SLC2A9: variants seen among roughly 807,000 people sequenced by gnomAD.
SLC2A9 encodes the protein solute carrier family 2 member 9.
A neutral mutation model predicts 50.6 loss-of-function variants in SLC2A9; 39 were observed. The ratio of observed to expected loss-of-function variants is 0.77; its 90% CI spans 0.60 to 1.01. SLC2A9 has a LOEUF of 1.01. SLC2A9 is among the 50% of genes least tolerant of loss of function. SLC2A9 has a pLI of 0.00. For synonymous variants in SLC2A9, 324 were observed against 276.9 expected (o/e 1.17, Z -1.69); for missense variants, 686 against 677.6 (o/e 1.01, Z -0.14).
chr4:9,937,241 C>A (rs1052469224), intron 6 of SLC2A9, among the ~76,000 whole-genome samples: 3 of 152,176 alleles, frequency 2.0e-5, no homozygotes, highest in Non-Finnish European at 4.4e-5. Context: ...TTTCTAGGAA[C>A]GACTTCGTGC....
chr4:9,794,361 G>A (rs1017824283), downstream of SLC2A9, among the ~76,000 whole-genome samples: 20 of 152,230 alleles, frequency 1.3e-4, no homozygotes, highest in East Asian at 7.7e-4. Context: ...TCACCATGTT[G>A]GTCAGGTTGG....
At chr4:9,980,848 G>T (rs1755622409) in intron 4 of SLC2A9, 111 bp from the exon 5 acceptor site, 1 of 1,397,092 alleles carries the variant, frequency 7.2e-7, no homozygotes, top group Non-Finnish European at 1.0e-6. Flanking sequence ...AAATAGCACT[G>T]TAGCCACGGC....
chr4:9,863,881 T>A (rs1732036472), intron 10 of SLC2A9, among the ~76,000 whole-genome samples: 1 of 152,134 alleles, frequency 6.6e-6, no homozygotes, highest in Admixed American at 6.5e-5. Context: ...TTGCTCTTTA[T>A]GTAGAAACAT....
chr4:9,835,385 A>C (rs1401384363), intron 10 of SLC2A9, among the ~76,000 whole-genome samples: 1 of 152,054 alleles, frequency 6.6e-6, no homozygotes, highest in Non-Finnish European at 1.5e-5. Flanking sequence ...ACCAGGACCT[A>C]GGGCTCAGCA....
chr4:10,017,658 AC>A (rs1298496139), intron 2 of SLC2A9, among the ~76,000 whole-genome samples: 1 of 152,224 alleles, frequency 6.6e-6, no homozygotes, highest in African/African-American at 2.4e-5. Flanking sequence ...TGTTTTGTAC[AC>A]AAGGATGCTG....
At chr4:9,905,416 G>A (rs925737857) in intron 8 of SLC2A9, among the ~76,000 whole-genome samples, 12 of 152,206 alleles carry the variant, frequency 7.9e-5, no homozygotes, top group East Asian at 1.9e-4. Flanking sequence ...GCTAAATGGC[G>A]GGGTACCAAC....
At chr4:10,026,815 G>A (rs572739016) in intron 1 of SLC2A9, among the ~76,000 whole-genome samples, 45 of 152,296 alleles carry the variant, frequency 3.0e-4, no homozygotes, top group East Asian at 9.6e-4. Flanking sequence ...AGGCCGAGGC[G>A]GGTGGATCAC....
Position 9,917,221 on chromosome 4 carries a change from C to T in SLC2A9, c.1002+3164G>A, listed in dbSNP as rs16890938. On this transcript the variant is annotated intron_variant, in intron 7 of 11. Transcript: ENST00000264784. The stretch of plus-strand genomic sequence containing the variant: ...ATTTTAGAGAATGGAATTTGAAAGC[C>T]TATTGTGTAAGGCAGAGGGAAAAAA... Among the ~76,000 whole-genome samples the T allele has an allele frequency of 4.7e-3, 716 of 150,804 alleles. 8 individuals carry two copies. The highest frequency in any genetic ancestry group is 0.017 in the African/African-American group (694 of 40,894).
chr4:9,922,869 C>T lies in SLC2A9; in HGVS notation c.815-2297G>A, dbSNP rs147350938. 1,282 of 152,594 alleles carry T rather than the reference C, an allele frequency of 8.4e-3. 11 individuals carry two copies. The highest frequency in any genetic ancestry group is 0.014 in the Non-Finnish European group (969 of 68,286). The allele number at this position is 152,594 out of a possible 1,614,324, so 9.5% of individuals were successfully genotyped here. A position where few individuals can be genotyped will look rare whatever the true frequency, so the allele number is the denominator to read the frequency against. On this transcript the variant is annotated intron_variant, in intron 6 of 11. Coordinates refer to ENST00000264784, the MANE Select transcript of SLC2A9 (RefSeq NM_020041.3). ...CAAGGAGTTACCTGCCGGCGCCTCC[C>T]ACACCCTTCAGCCCCTGCCTCTTCA... is the stretch of plus-strand genomic sequence containing the variant.
At chr4:9,993,022 G>A (rs892253808) in intron 3 of SLC2A9, among the ~76,000 whole-genome samples, 1 of 152,164 alleles carries the variant, frequency 6.6e-6, no homozygotes, top group Non-Finnish European at 1.5e-5. Flanking sequence ...ATTACTCAGG[G>A]GCTGCCTCCT....
intron 3 of SLC2A9, among the ~76,000 whole-genome samples, chr4:9,991,049 G>A (rs945367445): frequency 2.0e-5 from 3 of 152,212 alleles, no homozygotes; most frequent in South Asian, 4.1e-4. Context: ...TGCCTGCAGC[G>A]AGTGACAGAT....
At chr4:9,924,989 T>G (rs10939614) in intron 6 of SLC2A9, among the ~76,000 whole-genome samples, 1 of 152,174 alleles carries the variant, frequency 6.6e-6, no homozygotes, top group Non-Finnish European at 1.5e-5. Context: ...TGCACACAAA[T>G]CTGTGCTGTC....
At chr4:9,936,591 G>GA (rs1303815449) in intron 6 of SLC2A9, among the ~76,000 whole-genome samples, 1 of 152,232 alleles carries the variant, frequency 6.6e-6, no homozygotes. Flanking sequence ...ATATTTAGAT[G>GA]AATGTCTGGA....
intron 8 of SLC2A9, among the ~76,000 whole-genome samples, chr4:9,893,263 T>C (rs941255592): frequency 6.6e-6 from 1 of 152,068 alleles, no homozygotes; most frequent in Non-Finnish European, 1.5e-5. Flanking sequence ...TGATTCTCTT[T>C]CTTCACTTGA....
downstream of SLC2A9, among the ~76,000 whole-genome samples, chr4:9,776,227 T>C (rs995769530): frequency 9.4e-5 from 14 of 148,184 alleles, no homozygotes; most frequent in African/African-American, 3.5e-4. Context: ...TGTTTCAGAG[T>C]AGTCCAAGTA....
intron 7 of SLC2A9, among the ~76,000 whole-genome samples, chr4:9,917,307 T>A (rs888233695): frequency 6.6e-6 from 1 of 150,864 alleles, no homozygotes; most frequent in African/African-American, 2.4e-5. Flanking sequence ...TCCCAACTTT[T>A]GAATAATTTC....
chr4:9,972,038 C>T (rs935527905), intron 5 of SLC2A9, among the ~76,000 whole-genome samples: 9 of 152,194 alleles, frequency 5.9e-5, no homozygotes, highest in Non-Finnish European at 8.8e-5. Context: ...TCTTCTTTCA[C>T]CTCCCTGAAT....
chr4:10,016,881 A>C (rs1038866677), intron 2 of SLC2A9, among the ~76,000 whole-genome samples: 1 of 151,644 alleles, frequency 6.6e-6, no homozygotes, highest in Non-Finnish European at 1.5e-5. Flanking sequence ...TCCTCAGCCT[A>C]AGATCTTAGG....
chr4:9,940,057 T>C (rs182037882), intron 6 of SLC2A9, among the ~76,000 whole-genome samples: 1 of 152,338 alleles, frequency 6.6e-6, no homozygotes, highest in Admixed American at 6.5e-5. Context: ...TGTCTGGCAT[T>C]GACATGCACT....
Sources: gnomAD v4.1 joint callset for allele counts (sites outside exome capture counted in the v4.1 genomes callset) on GRCh38, gnomAD v4.1.1 for gene constraint, MANE v1.5 for transcripts, NCBI Gene and HGNC (gene_info 2026-07-23, HGNC 2026-07-21) for gene names.